FSTL5: variants seen among roughly 807,000 people sequenced by gnomAD.
FSTL5 encodes the protein follistatin-related protein 5.
In FSTL5, 62 loss-of-function variants were observed where a neutral mutation model predicts 89.1. The observed-to-expected ratio is 0.70, with a 90% confidence interval of 0.57 to 0.86. The LOEUF is 0.86. Ranked by LOEUF, FSTL5 falls within the 40% of genes least tolerant of loss-of-function variation. The pLI is 0.00. For missense variants in FSTL5, 1,057 were observed against 1,001.6 expected (o/e 1.06, Z -0.75); for synonymous variants, 383 against 346.2 (o/e 1.11, Z -1.18).
chr4:161,860,081 G>C (rs141677753), intron 4 of FSTL5, among the ~76,000 whole-genome samples: 1 of 152,148 alleles, frequency 6.6e-6, no homozygotes, highest in East Asian at 1.9e-4. Context: ...AAGGTCAGGA[G>C]ATCTAGACCA....
intron 6 of FSTL5, among the ~76,000 whole-genome samples, chr4:161,690,648 A>G (rs1415473851): frequency 6.6e-6 from 1 of 151,998 alleles, no homozygotes; most frequent in African/African-American, 2.4e-5. Flanking sequence ...AAGGATTTTT[A>G]GGTTTTTATA....
intron 4 of FSTL5, among the ~76,000 whole-genome samples, chr4:161,782,536 G>A (rs575817611): frequency 1.3e-5 from 2 of 151,950 alleles, no homozygotes; most frequent in Admixed American, 1.3e-4. Flanking sequence ...TCCTACCCTC[G>A]CTTTCTACAC....
chr4:162,015,762 T>C (rs185667813), intron 3 of FSTL5, among the ~76,000 whole-genome samples: 77 of 152,284 alleles, frequency 5.1e-4, no homozygotes, highest in African/African-American at 1.6e-3. Flanking sequence ...TCCTTTCTAC[T>C]TTTTTCTTTA....
At chr4:162,023,214 A>T (rs951452463) in intron 3 of FSTL5, among the ~76,000 whole-genome samples, 3 of 152,106 alleles carry the variant, frequency 2.0e-5, no homozygotes, top group Non-Finnish European at 4.4e-5. Flanking sequence ...TAGGACCTGC[A>T]ATCTAAGACT....
intron 1 of FSTL5, among the ~76,000 whole-genome samples, chr4:162,145,177 T>C (rs1732924589): frequency 6.6e-6 from 1 of 151,860 alleles, no homozygotes; most frequent in Admixed American, 6.6e-5. Context: ...TATTTACCTA[T>C]AAAGATAGCC....
At chr4:161,647,702 C>T (rs952857945) in intron 7 of FSTL5, among the ~76,000 whole-genome samples, 1 of 152,100 alleles carries the variant, frequency 6.6e-6, no homozygotes, top group African/African-American at 2.4e-5. Flanking sequence ...AGCATGGTCC[C>T]TTTAAATGAT....
chr4:162,086,971 C>G (rs1342738779), intron 2 of FSTL5, among the ~76,000 whole-genome samples: 3 of 151,876 alleles, frequency 2.0e-5, no homozygotes, highest in Admixed American at 6.6e-5. Flanking sequence ...AAAGAGATAA[C>G]CTTCATATGA....
intron 12 of FSTL5, among the ~76,000 whole-genome samples, chr4:161,489,240 G>A (rs187754012): frequency 6.6e-6 from 1 of 152,210 alleles, no homozygotes; most frequent in African/African-American, 2.4e-5. Context: ...CTGTAAAGGA[G>A]CTGAAATCCT....
At chr4:162,065,218 T>C (rs1202644335) in intron 2 of FSTL5, among the ~76,000 whole-genome samples, 1 of 151,942 alleles carries the variant, frequency 6.6e-6, no homozygotes, top group Admixed American at 6.6e-5. Context: ...TTAGGGTATC[T>C]TAAAAATCTT....
At chr4:162,162,458 C>T (rs990081908) in intron 1 of FSTL5, among the ~76,000 whole-genome samples, 5 of 152,000 alleles carry the variant, frequency 3.3e-5, no homozygotes, top group Admixed American at 6.6e-5. Flanking sequence ...CCCCCACCCC[C>T]GTCCTTTTCC....
chr4:161,911,442 A>C (rs1304970808), intron 4 of FSTL5, among the ~76,000 whole-genome samples: 1 of 152,110 alleles, frequency 6.6e-6, no homozygotes, highest in Non-Finnish European at 1.5e-5. Flanking sequence ...TGTGCTCTTT[A>C]GGTATGGCAA....
At chr4:161,523,272 T>G (rs1731098258) in intron 10 of FSTL5, among the ~76,000 whole-genome samples, 1 of 152,186 alleles carries the variant, frequency 6.6e-6, no homozygotes, top group Non-Finnish European at 1.5e-5. Context: ...ATTTTCAGGT[T>G]AGGCTCTGTA....
At chr4:161,969,652 C>A (rs929476793) in intron 3 of FSTL5, among the ~76,000 whole-genome samples, 5 of 152,016 alleles carry the variant, frequency 3.3e-5, no homozygotes, top group African/African-American at 1.2e-4. Context: ...TGAAATGCAA[C>A]CAGTTGTATA....
At chr4:161,912,935 T>G (rs1733737359) in intron 4 of FSTL5, among the ~76,000 whole-genome samples, 1 of 152,122 alleles carries the variant, frequency 6.6e-6, no homozygotes, top group African/African-American at 2.4e-5. Context: ...CTTTTTATGT[T>G]TTAGCAAAGA....
At chr4:161,812,466 A>G (rs934683532) in intron 4 of FSTL5, among the ~76,000 whole-genome samples, 2 of 152,106 alleles carry the variant, frequency 1.3e-5, no homozygotes. Context: ...GTGACTTTGT[A>G]CAAATTGCTC....
At chr4:161,623,770 C>T (rs1214728524) in intron 7 of FSTL5, among the ~76,000 whole-genome samples, 1 of 151,774 alleles carries the variant, frequency 6.6e-6, no homozygotes, top group Non-Finnish European at 1.5e-5. Flanking sequence ...ACTTAAAAAG[C>T]CTACCGCTTT....
At chr4:161,754,716 T>C (rs1050223946) in intron 6 of FSTL5, among the ~76,000 whole-genome samples, 2 of 152,154 alleles carry the variant, frequency 1.3e-5, no homozygotes, top group South Asian at 4.1e-4. Context: ...TTGAGTTTCA[T>C]AACCTAAGCA....
chr4:161,885,846 T>C (rs748508880), intron 4 of FSTL5, among the ~76,000 whole-genome samples: 2 of 152,130 alleles, frequency 1.3e-5, no homozygotes, highest in Non-Finnish European at 2.9e-5. Context: ...TTTTTTCCTT[T>C]GGCAGAAATC....
intron 3 of FSTL5, among the ~76,000 whole-genome samples, chr4:161,935,208 A>G (rs1307455777): frequency 2.0e-5 from 3 of 152,136 alleles, no homozygotes. Context: ...GTAAGGGGTC[A>G]GTAAAGAGAA....
Sources: allele counts gnomAD v4.1 joint callset (sites outside exome capture counted in the v4.1 genomes callset), GRCh38; gene constraint gnomAD v4.1.1; transcripts MANE v1.5; gene names NCBI Gene and HGNC (gene_info 2026-07-23, HGNC 2026-07-21).